AVIL: variants seen among roughly 807,000 people sequenced by gnomAD.
AVIL encodes advillin.
Under a neutral mutation model 109.9 loss-of-function variants are expected in AVIL, and 78 were observed. The ratio of observed to expected loss-of-function variants is 0.71; its 90% CI spans 0.59 to 0.86. The LOEUF is 0.86. Ranked by LOEUF, AVIL falls within the 40% of genes least tolerant of loss-of-function variation. AVIL has a pLI of 0.00. For missense variants in AVIL, 892 were observed against 1,016.5 expected (o/e 0.88, Z 1.67); for synonymous variants, 367 against 379.1 (o/e 0.97, Z 0.37).
chr12:57,802,093 TC>T (rs1595157839), intron 17 of AVIL, 66 bp downstream of exon 17: 12 of 1,544,446 alleles, frequency 7.8e-6, no homozygotes, highest in Non-Finnish European at 1.1e-5. Flanking sequence ...TACTCCACCT[TC>T]CTGCCCACTG....
chr12:57,818,507 G>T (rs960982254), intron 1 of AVIL, 122 bp downstream of exon 1: 6 of 152,118 alleles, frequency 3.9e-5, no homozygotes, highest in African/African-American at 1.4e-4. Flanking sequence ...CCAGACTCCT[G>T]GTTCATTTTA....
intron 4 of AVIL, among the ~76,000 whole-genome samples, chr12:57,811,886 G>A (rs1008791921): frequency 6.6e-6 from 1 of 152,242 alleles, no homozygotes; most frequent in African/African-American, 2.4e-5. Context: ...CTAGTGTTAT[G>A]TGTCTGTGCA....
At chr12:57,816,358 A>G (rs938327646) in intron 1 of AVIL, 4 of 258,486 alleles carry the variant, frequency 1.5e-5, no homozygotes, top group Admixed American at 5.0e-5. Context: ...TAAGCCCTGT[A>G]TTGATTCACT....
intron 1 of AVIL, among the ~76,000 whole-genome samples, chr12:57,818,182 C>CTTTTGTTTT (rs1956120080): frequency 5.7e-5 from 2 of 35,256 alleles, no homozygotes; most frequent in Non-Finnish European, 1.1e-4. Flanking sequence ...CCATGCTTGG[C>CTTTTGTTTT]TTTTTTTTTT....
At chr12:57,810,170 A>G (rs1374049608) in intron 7 of AVIL, among the ~76,000 whole-genome samples, 179 bp downstream of exon 7, 5 of 152,206 alleles carry the variant, frequency 3.3e-5, no homozygotes, top group Non-Finnish European at 7.4e-5. Flanking sequence ...GTTGCTAACA[A>G]GAACTGCCTC....
At chr12:57,808,030 C>A in intron 11 of AVIL, 164 bp downstream of exon 11, 1 of 865,306 alleles carries the variant, frequency 1.2e-6, no homozygotes, top group South Asian at 1.4e-5. Flanking sequence ...CTTTCACTAC[C>A]CTGAAAACTC....
Position 57,809,824 on chromosome 12 carries a change from T to C in AVIL, c.828A>G (p.Leu276=). 1 of 1,614,232 alleles carries C rather than the reference T, an allele frequency of 6.2e-7. No individual in the cohort carries two copies. Among genetic ancestry groups the C allele is most frequent in the Non-Finnish European group, 8.5e-7 (1 of 1,180,028 alleles). ...AAACTCTACTTACATCATGGTTCAGTAAGTCCTGGACCAGAGGCCTTGTTG... is the reference window on the plus strand; with the variant it reads ...AAACTCTACTTACATCATGGTTCAGCAAGTCCTGGACCAGAGGCCTTGTTG... ...EVATRPLVQD[L]LNHDDCYILD... is the part of the protein sequence containing the mutation. Residue 276 remains leucine, a synonymous_variant, in exon 8 of 20, where the codon TTA becomes TTG. Transcript: ENST00000549994.
In AVIL at chr12:57,807,441, C is replaced by CT; in HGVS notation, c.1380dup (p.Val461SerfsTer8). 1 of 1,614,268 alleles carries CT rather than the reference C, an allele frequency of 6.2e-7. No homozygotes were observed. The highest frequency in any genetic ancestry group is 8.5e-7 in the Non-Finnish European group (1 of 1,180,050). ...CCATCAAACTGCCGATCCACCTCCA[C>CT]TGCCTGGTATGCTGAGGCTGCCAGC... is the stretch of plus-strand genomic sequence containing the variant. On this transcript the variant is annotated frameshift_variant, in exon 13 of 20. Coordinates refer to ENST00000549994, the MANE Select transcript of AVIL (RefSeq NM_006576.4). LOFTEE classifies it high-confidence loss of function.
intron 2 of AVIL, chr12:57,815,545 G>C (rs1343150706): frequency 8.2e-7 from 1 of 1,212,532 alleles, no homozygotes; most frequent in South Asian, 1.5e-5. Context: ...GAGACGGGCT[G>C]AACAGCTCCT....
chr12:57,801,293 G>A (rs1241606304), intron 17 of AVIL, 81 bp from the exon 18 acceptor site: 6 of 1,201,342 alleles, frequency 5.0e-6, no homozygotes, highest in Admixed American at 4.2e-5. Flanking sequence ...GTGTCTTCAG[G>A]AAAAGCAAAA....
At chr12:57,807,857 C>T (rs771607858) in intron 11 of AVIL, 130 bp from the exon 12 acceptor site, 4 of 1,319,026 alleles carry the variant, frequency 3.0e-6, no homozygotes, top group Non-Finnish European at 4.3e-6. Context: ...CTCTGGTTCT[C>T]TCCCAGTGCT....
rs746010287 is a variant in AVIL at position 57,813,368 on chromosome 12, T to C, written c.197A>G (p.Asp66Gly). The C allele has an allele frequency of 1.2e-6, 2 of 1,613,746 alleles. No individual in the cohort carries two copies. The highest frequency in any genetic ancestry group is 1.1e-5 in the South Asian group (1 of 91,056). Reference sequence around the variant, plus strand: ...GCAGCTTTGCTCATCCTGGGAGGAGTCCTTCCCGATCCAGAAGTGGATGTC... The same window carrying C: ...GCAGCTTTGCTCATCCTGGGAGGAGCCCTTCCCGATCCAGAAGTGGATGTC... Reference protein sequence around the residue: ...SQDIHFWIGKDSSQDEQSCAA... With the variant: ...SQDIHFWIGKGSSQDEQSCAA... The change falls in exon 4 of 20, where the codon GAC (aspartate) becomes GGC (glycine). Residue 66 changes from aspartate (D) to glycine (G), a missense_variant. Coordinates refer to ENST00000549994, the MANE Select transcript of AVIL (RefSeq NM_006576.4).
rs1955839146 is a variant in AVIL at position 57,801,143 on chromosome 12, C to G, written c.2220+1G>C. 6.2e-7 allele frequency: 1 copy of G among 1,613,336 alleles called. No individual in the cohort carries two copies. The highest frequency in any genetic ancestry group is 8.5e-7 in the Non-Finnish European group (1 of 1,179,750). On this transcript the variant is annotated splice_donor_variant, in intron 18 of 19. Coordinates refer to ENST00000549994, the MANE Select transcript of AVIL (RefSeq NM_006576.4). LOFTEE classifies it high-confidence loss of function. Reference sequence around the variant, plus strand: ...TTCTCCCAAGAGCGAACCCGACTCACAGCAGTGATTCGCATGATAGCAGCA... The same window carrying G: ...TTCTCCCAAGAGCGAACCCGACTCAGAGCAGTGATTCGCATGATAGCAGCA...
At chr12:57,816,155 G>T in intron 1 of AVIL, 96 bp from the exon 2 acceptor site, 1 of 969,820 alleles carries the variant, frequency 1.0e-6, no homozygotes, top group Non-Finnish European at 1.5e-6. Flanking sequence ...TCTGTTGTCA[G>T]CCATCCTGCC....
At chr12:57,802,378 C>T in intron 16 of AVIL, 30 bp from the exon 17 acceptor site, 1 of 1,579,578 alleles carries the variant, frequency 6.3e-7, no homozygotes, top group African/African-American at 1.3e-5. Flanking sequence ...ATATATGTTA[C>T]TGTGTTCATA....
Position 57,808,430 on chromosome 12 carries a change from A to G in AVIL, c.1058T>C (p.Met353Thr), listed in dbSNP as rs202107956. 1.9e-6 allele frequency: 3 copies of G among 1,614,154 alleles called. No homozygotes were observed. The highest frequency in any genetic ancestry group is 1.3e-5 in the African/African-American group (1 of 75,046). Residue 353 changes from methionine to threonine, a missense_variant, in exon 10 of 20, where the codon ATG becomes ACG. Coordinates refer to ENST00000549994, the MANE Select transcript of AVIL (RefSeq NM_006576.4). ...AATGCTGAACGTTTTCCCCAGGCCC[A>G]TGGTCTGGTCCTTTACTGACCACTT... Reference protein sequence around the residue: ...FQKWSVKDQTMGLGKTFSIGK... With the variant: ...FQKWSVKDQTTGLGKTFSIGK...
In AVIL at chr12:57,801,176, C is replaced by T; in HGVS notation, c.2188G>A (p.Gly730Arg). Residue 730 changes from glycine to arginine, a missense_variant, in exon 18 of 20, where the codon GGA becomes AGA. Transcript: ENST00000549994. ...ATTCGCATGATAGCAGCAGCATCTC[C>T]CAGCTCTTCTTTTAATTGTTCATAT... ...KTYEQLKEEL[G>R]DAAAIMRITA... 1 of 1,613,740 alleles carries T rather than the reference C, an allele frequency of 6.2e-7. No homozygotes were observed. The highest frequency in any genetic ancestry group is 1.1e-5 in the South Asian group (1 of 91,060).
rs139775381 is a variant in AVIL, at chr12:57,808,439, T to C, written c.1049A>G (p.Asp350Gly). 74 of 1,614,038 alleles carry C rather than the reference T, an allele frequency of 4.6e-5. No homozygotes were observed. Among genetic ancestry groups the C allele is most frequent in the Non-Finnish European group, 6.2e-5 (73 of 1,180,034 alleles). Residue 350 changes from aspartate (D) to glycine (G), a missense_variant, in exon 10 of 20, where the codon GAC becomes GGC. Coordinates refer to ENST00000549994, the MANE Select transcript of AVIL (RefSeq NM_006576.4). ...KQLFQKWSVK[D>G]QTMGLGKTFS... ...CGTTTTCCCCAGGCCCATGGTCTGG[T>C]CCTTTACTGACCACTTCTGGAACAG... is the stretch of plus-strand genomic sequence containing the variant.
At chr12:57,801,604 G>T (rs1197096420) in intron 17 of AVIL, among the ~76,000 whole-genome samples, 1 of 152,148 alleles carries the variant, frequency 6.6e-6, no homozygotes, top group African/African-American at 2.4e-5. Flanking sequence ...GCTGGGCATG[G>T]TGGTGCATGC....
Sources: gnomAD v4.1 joint callset for allele counts (sites outside exome capture counted in the v4.1 genomes callset) on GRCh38, gnomAD v4.1.1 for gene constraint, MANE v1.5 for transcripts, NCBI Gene and HGNC (gene_info 2026-07-23, HGNC 2026-07-21) for gene names.